The following HECW1 variants were observed in gnomAD, a reference collection of about 807,000 sequenced individuals.
The protein encoded by HECW1 is HECT, C2 and WW domain containing E3 ubiquitin protein ligase 1.
A neutral mutation model predicts 182.3 loss-of-function variants in HECW1; 61 were observed. That is an observed-to-expected ratio of 0.33 (90% CI 0.27 to 0.41). The LOEUF (loss-of-function observed/expected upper bound fraction) is 0.41, where lower values mean the gene tolerates loss of function less well. HECW1 is among the 10% of genes least tolerant of loss of function. The pLI is 1.00. For missense variants in HECW1, 1,739 were observed against 2,108.9 expected, an observed-to-expected ratio of 0.82 and a Z score of 3.44; for synonymous variants, 859 against 832.6, an observed-to-expected ratio of 1.03 and a Z score of -0.55.
intron 2 of HECW1, among the ~76,000 whole-genome samples, chr7:43,237,612 G>A (rs1384650964): frequency 6.6e-6 from 1 of 152,206 alleles, no homozygotes; most frequent in Non-Finnish European, 1.5e-5. Context: ...GGATCAAATG[G>A]GTTAATATGT....
At chr7:43,166,703 C>A (rs1186391925) in intron 2 of HECW1, among the ~76,000 whole-genome samples, 1 of 152,202 alleles carries the variant, frequency 6.6e-6, no homozygotes, top group Non-Finnish European at 1.5e-5. Flanking sequence ...ATAATAGGAA[C>A]CTTTGTCCAC....
intron 3 of HECW1, among the ~76,000 whole-genome samples, chr7:43,294,140 G>T (rs1805752560): frequency 6.6e-6 from 1 of 152,240 alleles, no homozygotes; most frequent in Admixed American, 6.5e-5. Flanking sequence ...CATGTGCATT[G>T]CAGTGGAAAC....
intron 24 of HECW1, among the ~76,000 whole-genome samples, chr7:43,539,688 C>T (rs2081296473): frequency 1.3e-5 from 2 of 152,172 alleles, no homozygotes; most frequent in African/African-American, 2.4e-5. Flanking sequence ...GGGCCCATCA[C>T]CTCTGTGCTG....
intron 2 of HECW1, among the ~76,000 whole-genome samples, chr7:43,199,949 G>A (rs543308402): frequency 1.3e-5 from 2 of 152,120 alleles, no homozygotes; most frequent in Admixed American, 1.3e-4. Flanking sequence ...GTATTTAGGG[G>A]CATGGTTATA....
intron 2 of HECW1, among the ~76,000 whole-genome samples, chr7:43,123,425 T>C (rs1161901287): frequency 6.6e-6 from 1 of 152,196 alleles, no homozygotes; most frequent in African/African-American, 2.4e-5. Context: ...GAGAGACCAC[T>C]GCTGTAGGAA....
chr7:43,553,900 G>A (rs937444528), intron 28 of HECW1, among the ~76,000 whole-genome samples: 2 of 152,146 alleles, frequency 1.3e-5, no homozygotes, highest in African/African-American at 4.8e-5. Context: ...CTTCCTTTCT[G>A]AAGTTTTCCT....
chr7:43,520,369 C>T (rs538304169), intron 24 of HECW1, among the ~76,000 whole-genome samples: 8 of 152,250 alleles, frequency 5.3e-5, no homozygotes, highest in African/African-American at 7.2e-5. Flanking sequence ...AGCCAAAGCA[C>T]GAGGACCACC....
intron 8 of HECW1, among the ~76,000 whole-genome samples, chr7:43,416,030 G>A (rs1349928176): frequency 2.6e-5 from 4 of 151,156 alleles, no homozygotes; most frequent in African/African-American, 4.9e-5. Context: ...CTCTCAGCTC[G>A]TCAAAGTCAT....
intron 16 of HECW1, among the ~76,000 whole-genome samples, chr7:43,475,055 G>C (rs1367988956): frequency 6.6e-6 from 1 of 152,186 alleles, no homozygotes; most frequent in African/African-American, 2.4e-5. Context: ...GGGAAGGAGA[G>C]TGGTGATGGT....
At chr7:43,421,458 T>A (rs544009952) in intron 8 of HECW1, among the ~76,000 whole-genome samples, 1 of 152,078 alleles carries the variant, frequency 6.6e-6, no homozygotes. Flanking sequence ...GCAATAAAAT[T>A]AAGAACCACC....
intron 3 of HECW1, among the ~76,000 whole-genome samples, chr7:43,305,747 C>T (rs978695379): frequency 5.3e-5 from 8 of 151,466 alleles, no homozygotes; most frequent in Non-Finnish European, 1.0e-4. Context: ...TACAGGCGCC[C>T]GTCACCACGC....
intron 2 of HECW1, among the ~76,000 whole-genome samples, chr7:43,156,944 G>C (rs746162051): frequency 6.6e-6 from 1 of 152,192 alleles, no homozygotes; most frequent in Non-Finnish European, 1.5e-5. Context: ...TAGTGTGAAT[G>C]AGAAAAGAAA....
At position 43,370,013 on chromosome 7, in the gene HECW1, A is replaced by G. The variant is rs114900536; in HGVS notation, c.555+9033A>G. ...CCTAAAGTCAGTTTTTAGGGGGGAAAAATGCAACGGCCAATAAACACACAA... is the reference window on the plus strand; with the variant it reads ...CCTAAAGTCAGTTTTTAGGGGGGAAGAATGCAACGGCCAATAAACACACAA... On this transcript the variant is annotated intron_variant, in intron 6 of 29. Coordinates refer to ENST00000395891, the MANE Select transcript of HECW1 (RefSeq NM_015052.5). 4.0e-3 allele frequency among the ~76,000 whole-genome samples: 617 copies of G among 152,348 alleles called. 3 individuals are homozygous for G. The highest frequency in any genetic ancestry group is 0.014 in the African/African-American group (589 of 41,576).
At chr7:43,197,954 T>C (rs1429646757) in intron 2 of HECW1, among the ~76,000 whole-genome samples, 1 of 151,974 alleles carries the variant, frequency 6.6e-6, no homozygotes, top group Non-Finnish European at 1.5e-5. Flanking sequence ...CCGTTCAGTC[T>C]GAGCAATGAC....
chr7:43,279,086 G>T (rs1192254633), intron 3 of HECW1, among the ~76,000 whole-genome samples: 1 of 152,092 alleles, frequency 6.6e-6, no homozygotes, highest in East Asian at 1.9e-4. Flanking sequence ...TCTTTGAGCT[G>T]GGTTAGATTA....
At chr7:43,119,945 C>T (rs1562761932) in intron 2 of HECW1, among the ~76,000 whole-genome samples, 1 of 152,200 alleles carries the variant, frequency 6.6e-6, no homozygotes, top group Non-Finnish European at 1.5e-5. Context: ...TATACAGCAG[C>T]CCAAACGAGC....
At chr7:43,501,150 T>A (rs558990475) in intron 20 of HECW1, 63 bp from the exon 21 acceptor site, 1 of 942,148 alleles carries the variant, frequency 1.1e-6, no homozygotes, top group East Asian at 2.5e-5. Context: ...GTGAACACTT[T>A]CTCAGGGATG....
chr7:43,234,645 C>T (rs968590918), intron 2 of HECW1, among the ~76,000 whole-genome samples: 1 of 152,184 alleles, frequency 6.6e-6, no homozygotes, highest in African/African-American at 2.4e-5. Context: ...CTCCTACCCA[C>T]GTCTTAACAT....
At chr7:43,491,491 C>A (rs184492062) in intron 17 of HECW1, among the ~76,000 whole-genome samples, 181 of 152,220 alleles carry the variant, frequency 1.2e-3, no homozygotes, top group Non-Finnish European at 2.1e-3. Flanking sequence ...TATAGGCGTA[C>A]CTTACCAATG....
Sources: gnomAD v4.1 joint callset for allele counts (sites outside exome capture counted in the v4.1 genomes callset) on GRCh38, gnomAD v4.1.1 for gene constraint, MANE v1.5 for transcripts, NCBI Gene and HGNC (gene_info 2026-07-23, HGNC 2026-07-21) for gene names.